The following USP3 variants were observed in gnomAD, a reference collection of about 807,000 sequenced individuals.
The protein encoded by USP3 is ubiquitin specific peptidase 3.
In USP3, 20 loss-of-function variants were observed where a neutral mutation model predicts 72.3. The ratio of observed to expected loss-of-function variants is 0.28; its 90% confidence interval spans 0.19 to 0.40. The LOEUF is 0.40. USP3 is among the 10% of genes least tolerant of loss of function. The pLI is 1.00. For missense variants in USP3, 479 were observed against 633.9 expected, an observed-to-expected ratio of 0.76 and a Z score of 2.62; for synonymous variants, 222 against 225.3, an observed-to-expected ratio of 0.99 and a Z score of 0.13.
chr15:63,569,512 A>T (rs2066746491), intron 8 of USP3, among the ~76,000 whole-genome samples: 1 of 152,218 alleles, frequency 6.6e-6, no homozygotes. Context: ...GAGTAGTGGG[A>T]GTTTTGAATC....
chr15:63,554,801 A>C (rs1236899688), intron 4 of USP3, among the ~76,000 whole-genome samples: 1 of 152,256 alleles, frequency 6.6e-6, no homozygotes, highest in Non-Finnish European at 1.5e-5. Context: ...CTTTAAATCT[A>C]AACCAATTAA....
At chr15:63,525,597 TC>T (rs2065971118) in intron 1 of USP3, among the ~76,000 whole-genome samples, 1 of 152,110 alleles carries the variant, frequency 6.6e-6, no homozygotes, top group South Asian at 2.1e-4. Context: ...TACCAACTCC[TC>T]CCCCTAATAA....
At chr15:63,575,318 G>T (rs374212305) in intron 11 of USP3, among the ~76,000 whole-genome samples, 3 of 152,046 alleles carry the variant, frequency 2.0e-5, no homozygotes, top group African/African-American at 7.2e-5. Context: ...CTAGTAGGGG[G>T]CTCCTGCATT....
intron 7 of USP3, among the ~76,000 whole-genome samples, chr15:63,560,451 T>A (rs2066590247): frequency 6.6e-6 from 1 of 152,020 alleles, no homozygotes; most frequent in South Asian, 2.1e-4. Flanking sequence ...ATTCCTTTAT[T>A]TACCGTAACA....
intron 6 of USP3, among the ~76,000 whole-genome samples, chr15:63,558,451 T>G (rs2066548082): frequency 6.6e-6 from 1 of 152,144 alleles, no homozygotes; most frequent in South Asian, 2.1e-4. Flanking sequence ...TTATTTCCGG[T>G]TGCTTTTTGA....
intron 8 of USP3, 37 bp downstream of exon 8, chr15:63,563,045 T>C (rs543917505): frequency 7.1e-7 from 1 of 1,409,680 alleles, no homozygotes; most frequent in Non-Finnish European, 9.9e-7. Flanking sequence ...AACATTAATA[T>C]TAGTGTTTAT....
intron 11 of USP3, among the ~76,000 whole-genome samples, chr15:63,585,746 A>G (rs768577905): frequency 3.3e-5 from 5 of 149,586 alleles, no homozygotes; most frequent in Non-Finnish European, 7.4e-5. Context: ...AAAGTTTTAT[A>G]CCTTCAGTCC....
rs112905081 is a variant in USP3, at chr15:63,547,866, T to TAG, written c.285-5820_285-5819dup. Among the ~76,000 whole-genome samples the TAG allele has an allele frequency of 4.4e-3, 92 of 20,882 alleles. 1 individual carries two copies. The highest frequency in any genetic ancestry group is 0.02 in the East Asian group (20 of 1,022). 13.7% of individuals were successfully genotyped at this position (20,882 alleles called of 152,430 possible). A position where few individuals can be genotyped will look rare whatever the true frequency, so the allele number is the denominator to read the frequency against. On this transcript the variant is annotated intron_variant, in intron 3 of 14. Transcript: ENST00000380324. Reference sequence around the variant, plus strand: ...GGAGGGAGAGAGAGAGAGAGAGGCATAGAGAGAGAGAGAGAGAGAGAGAGA... The same window carrying TAG: ...GGAGGGAGAGAGAGAGAGAGAGGCATAGAGAGAGAGAGAGAGAGAGAGAGAGA...
intron 11 of USP3, among the ~76,000 whole-genome samples, chr15:63,576,050 G>T (rs570264663): frequency 6.7e-6 from 1 of 148,300 alleles, no homozygotes; most frequent in South Asian, 2.1e-4. Flanking sequence ...GCAGTGGCGC[G>T]ATCTTGGCTC....
intron 1 of USP3, among the ~76,000 whole-genome samples, chr15:63,521,501 T>C (rs979686359): frequency 6.6e-6 from 1 of 152,238 alleles, no homozygotes; most frequent in African/African-American, 2.4e-5. Flanking sequence ...TATCCAAGGC[T>C]GTTGAAGTGA....
intron 1 of USP3, among the ~76,000 whole-genome samples, chr15:63,522,449 A>G (rs1015988059): frequency 3.9e-5 from 6 of 152,226 alleles, no homozygotes; most frequent in Admixed American, 6.5e-5. Context: ...GCGTGCCCTG[A>G]CATGGGAAAG....
chr15:63,509,809 T>C (rs984384453), intron 1 of USP3, among the ~76,000 whole-genome samples: 5 of 152,188 alleles, frequency 3.3e-5, no homozygotes, highest in African/African-American at 1.2e-4. Context: ...TAGAATGTGC[T>C]CCATGTATGT....
chr15:63,569,406 G>GGTTCC (rs2066744823), intron 8 of USP3, among the ~76,000 whole-genome samples: 1 of 152,164 alleles, frequency 6.6e-6, no homozygotes, highest in Middle Eastern at 3.2e-3. Context: ...TGGTTAGGGA[G>GGTTCC]ATTGTTTTCA....
chr15:63,524,170 A>G (rs1035237010), intron 1 of USP3, among the ~76,000 whole-genome samples: 14 of 152,268 alleles, frequency 9.2e-5, no homozygotes, highest in Admixed American at 2.6e-4. Context: ...TGTGATACAC[A>G]AAGATTTAGT....
At chr15:63,566,039 A>G (rs1010843410) in intron 8 of USP3, among the ~76,000 whole-genome samples, 3 of 152,110 alleles carry the variant, frequency 2.0e-5, no homozygotes, top group Non-Finnish European at 4.4e-5. Flanking sequence ...CTCTTTGTCT[A>G]GGATCCCGGT....
chr15:63,555,351 CT>C (rs1355296035), intron 4 of USP3, among the ~76,000 whole-genome samples: 1 of 152,202 alleles, frequency 6.6e-6, no homozygotes, highest in Non-Finnish European at 1.5e-5. Context: ...TGGAGCAGCA[CT>C]GTCCAGCAGA....
At chr15:63,513,298 C>T (rs934576855) in intron 1 of USP3, among the ~76,000 whole-genome samples, 1 of 152,214 alleles carries the variant, frequency 6.6e-6, no homozygotes, top group Non-Finnish European at 1.5e-5. Context: ...TTTAATTTAA[C>T]TGATTATAAG....
chr15:63,577,904 G>A (rs943247464), intron 11 of USP3, among the ~76,000 whole-genome samples: 1 of 147,496 alleles, frequency 6.8e-6, no homozygotes, highest in Non-Finnish European at 1.5e-5. Flanking sequence ...CTCTAGGCCT[G>A]GGTGAGAGAG....
At chr15:63,524,612 C>T (rs2065956711) in intron 1 of USP3, among the ~76,000 whole-genome samples, 1 of 152,154 alleles carries the variant, frequency 6.6e-6, no homozygotes, top group African/African-American at 2.4e-5. Flanking sequence ...GTTCTGGAGT[C>T]TTCTTAACTC....
Sources: gnomAD v4.1 joint callset for allele counts (sites outside exome capture counted in the v4.1 genomes callset) on GRCh38, gnomAD v4.1.1 for gene constraint, MANE v1.5 for transcripts, NCBI Gene and HGNC (gene_info 2026-07-23, HGNC 2026-07-21) for gene names.